Variants in TGFBR2 observed in about 807,000 individuals in gnomAD.
TGFBR2 encodes TGF-beta receptor type-2.
TGFBR2 carries 18 observed loss-of-function variants against 49.0 expected under a neutral mutation model. That is an observed-to-expected ratio of 0.37 (90% CI 0.25 to 0.54). The LOEUF (loss-of-function observed/expected upper bound fraction) is 0.54. Among genes scored for constraint, TGFBR2 ranks in the 20% least tolerant of loss-of-function variants. The pLI is 0.85. For synonymous variants in TGFBR2, 282 were observed against 275.9 expected, an observed-to-expected ratio of 1.02 and a Z score of -0.22; for missense variants, 525 against 722.6, an observed-to-expected ratio of 0.73 and a Z score of 3.13.
chr3:30,691,253 T>C (rs1699704351), intron 6 of TGFBR2, among the ~76,000 whole-genome samples, 167 bp from the exon 7 acceptor site: 1 of 152,196 alleles, frequency 6.6e-6, no homozygotes, highest in Non-Finnish European at 1.5e-5. Context: ...CCTTTCCACA[T>C]GGAACTGGCT....
intron 1 of TGFBR2, among the ~76,000 whole-genome samples, chr3:30,637,768 T>C (rs1698564422): frequency 6.6e-6 from 1 of 152,188 alleles, no homozygotes; most frequent in Non-Finnish European, 1.5e-5. Context: ...ACTAGTCTTC[T>C]CTTGATGAGT....
At position 30,644,762 on chromosome 3, in the gene TGFBR2, T is replaced by C; in HGVS notation, c.110T>C (p.Ile37Thr). The C allele has an allele frequency of 1.2e-6, 2 of 1,614,122 alleles. No homozygotes were observed. Among genetic ancestry groups the C allele is most frequent in the Non-Finnish European group, 1.7e-6 (2 of 1,179,988 alleles). Reference sequence around the variant, plus strand: ...CTCTCCTCAGTTAATAACGACATGATAGTCACTGACAACAACGGTGCAGTC... The same window carrying C: ...CTCTCCTCAGTTAATAACGACATGACAGTCACTGACAACAACGGTGCAGTC... ...HVQKSVNNDM[I>T]VTDNNGAVKF... Residue 37 changes from isoleucine (I) to threonine (T), a missense_variant, in exon 2 of 7, where the codon ATA becomes ACA. Ile to Thr is a moderately conservative substitution (Grantham distance 89, BLOSUM62 -1). Coordinates refer to ENST00000295754, the MANE Select transcript of TGFBR2 (RefSeq NM_003242.6).
rs1699751452 is a variant in TGFBR2, at chr3:30,693,751, T to G, written c.*2152T>G. 4.3e-6 allele frequency: 1 copy of G among 233,542 alleles called. No homozygotes were observed. The highest frequency in any genetic ancestry group is 8.5e-6 in the Non-Finnish European group (1 of 117,956). 14.5% of individuals were successfully genotyped at this position (233,542 alleles called of 1,614,324 possible). On this transcript the variant is annotated 3_prime_UTR_variant, in exon 7 of 7. Coordinates refer to ENST00000295754, the MANE Select transcript of TGFBR2 (RefSeq NM_003242.6). ...AGAATACTGGTCCATTCATGAGATA[T>G]TCAAGATTCAAGAGTATTCTCACTT...
intron 5 of TGFBR2, among the ~76,000 whole-genome samples, chr3:30,677,454 C>T (rs1699461240): frequency 6.6e-6 from 1 of 152,208 alleles, no homozygotes; most frequent in African/African-American, 2.4e-5. Flanking sequence ...GCTCGGGCTG[C>T]AGACACCAAG....
intron 5 of TGFBR2, among the ~76,000 whole-genome samples, chr3:30,685,862 A>G (rs138713147): frequency 3.3e-5 from 5 of 152,358 alleles, no homozygotes; most frequent in African/African-American, 7.2e-5. Context: ...CAGCTGCTAC[A>G]TAAGCCAAAA....
intron 1 of TGFBR2, among the ~76,000 whole-genome samples, chr3:30,638,256 T>C (rs1448552441): frequency 6.6e-6 from 1 of 152,254 alleles, no homozygotes; most frequent in Non-Finnish European, 1.5e-5. Flanking sequence ...GTAGAATACT[T>C]ACTATTTAAA....
intron 1 of TGFBR2, among the ~76,000 whole-genome samples, chr3:30,608,639 A>C (rs1209642685): frequency 2.0e-5 from 3 of 152,198 alleles, no homozygotes; most frequent in African/African-American, 2.4e-5. Context: ...AACTTTTTAA[A>C]AATTATGGCA....
intron 3 of TGFBR2, among the ~76,000 whole-genome samples, chr3:30,650,950 G>T (rs1698872863): frequency 6.6e-6 from 1 of 152,070 alleles, no homozygotes; most frequent in Admixed American, 6.6e-5. Context: ...GTTGTTTCTT[G>T]TACATAGTCC....
chr3:30,607,852 T>TAA (rs1484007508), intron 1 of TGFBR2, among the ~76,000 whole-genome samples: 1 of 141,122 alleles, frequency 7.1e-6, no homozygotes, highest in South Asian at 2.1e-4. Flanking sequence ...TATATATAAA[T>TAA]ATATATAATA....
At chr3:30,632,871 G>A (rs1027817426) in intron 1 of TGFBR2, among the ~76,000 whole-genome samples, 3 of 152,176 alleles carry the variant, frequency 2.0e-5, no homozygotes, top group African/African-American at 7.2e-5. Flanking sequence ...TCACACTCAA[G>A]TTTTTACCTT....
At chr3:30,628,701 C>T (rs1158523931) in intron 1 of TGFBR2, among the ~76,000 whole-genome samples, 1 of 152,030 alleles carries the variant, frequency 6.6e-6, no homozygotes, top group Admixed American at 6.6e-5. Flanking sequence ...ACGAGCCTTA[C>T]ATTTATCTTG....
At chr3:30,652,872 A>T (rs3773626) in intron 3 of TGFBR2, among the ~76,000 whole-genome samples, 23,534 of 152,214 alleles carry the variant, frequency 0.15, 2,081 homozygotes, top group East Asian at 0.37. Flanking sequence ...CATGCATTTT[A>T]TATTTTACTA....
In TGFBR2 at chr3:30,650,113, C is replaced by A. The variant is rs181315564; in HGVS notation, c.264-157C>A. On this transcript the variant is annotated intron_variant, in intron 2 of 6. Transcript: ENST00000295754. Reference sequence around the variant, plus strand: ...GCATAGGAGACTATAGGACAGCCTGCGAATGCTGGAGAACAGGAACCAGCT... The same window carrying A: ...GCATAGGAGACTATAGGACAGCCTGAGAATGCTGGAGAACAGGAACCAGCT... 2.6e-3 allele frequency among the ~76,000 whole-genome samples: 394 copies of A among 152,240 alleles called. 1 individual carries two copies. Among genetic ancestry groups the A allele is most frequent in the Middle Eastern group, 6.8e-3 (2 of 294 alleles).
chr3:30,658,532 A>C (rs1008568725), intron 3 of TGFBR2, among the ~76,000 whole-genome samples: 29 of 152,198 alleles, frequency 1.9e-4, no homozygotes, highest in Non-Finnish European at 1.0e-4. Flanking sequence ...TAAATAGGGA[A>C]GCAGACCATA....
At chr3:30,660,896 G>A (rs940675204) in intron 3 of TGFBR2, among the ~76,000 whole-genome samples, 2 of 152,204 alleles carry the variant, frequency 1.3e-5, no homozygotes, top group East Asian at 1.9e-4. Flanking sequence ...GAGGCTGTGT[G>A]CATGATTTTA....
intron 1 of TGFBR2, among the ~76,000 whole-genome samples, chr3:30,632,267 A>G (rs953067638): frequency 3.3e-5 from 5 of 152,206 alleles, no homozygotes; most frequent in South Asian, 2.1e-4. Flanking sequence ...GAAATAACAC[A>G]CTAAGTGTCT....
intron 2 of TGFBR2, among the ~76,000 whole-genome samples, chr3:30,647,894 G>GT (rs199620826): frequency 0.011 from 1,633 of 152,130 alleles, 35 homozygotes; most frequent in African/African-American, 0.037. Flanking sequence ...GGCCAGGCTG[G>GT]TCTCGAACTC....
intron 3 of TGFBR2, among the ~76,000 whole-genome samples, chr3:30,654,956 G>A (rs1399984076): frequency 1.3e-5 from 2 of 152,148 alleles, no homozygotes; most frequent in Non-Finnish European, 2.9e-5. Context: ...AGAGAGAAAC[G>A]GTCTAGTGTA....
rs1699741194 is a variant in TGFBR2, at chr3:30,692,999, C to T, written c.*1400C>T. 8.6e-6 allele frequency: 2 copies of T among 233,202 alleles called. No individual in the cohort carries two copies. Among genetic ancestry groups the T allele is most frequent in the East Asian group, 1.2e-4 (2 of 16,692 alleles). The allele number at this position is 233,202 out of a possible 1,614,324, so 14.4% of individuals were successfully genotyped here. A position where few individuals can be genotyped will look rare whatever the true frequency, so the allele number is the denominator to read the frequency against. ...CCCAGTCTAGGAATTAAATCTGCACCTAACCAAGGTCCCTTGTAAGAAATG... is the reference window on the plus strand; with the variant it reads ...CCCAGTCTAGGAATTAAATCTGCACTTAACCAAGGTCCCTTGTAAGAAATG... On this transcript the variant is annotated 3_prime_UTR_variant, in exon 7 of 7. Transcript: ENST00000295754.
Sources: allele counts gnomAD v4.1 joint callset (sites outside exome capture counted in the v4.1 genomes callset), GRCh38; gene constraint gnomAD v4.1.1; transcripts MANE v1.5; gene names NCBI Gene and HGNC (gene_info 2026-07-23, HGNC 2026-07-21).